TMEM87A: variants seen among roughly 807,000 people sequenced by gnomAD.
The protein encoded by TMEM87A is transmembrane protein 87A, also known as Golgi-pH regulating cation channel.
TMEM87A carries 50 observed loss-of-function variants against 90.0 expected under a neutral mutation model. That is an observed-to-expected ratio of 0.56 (90% confidence interval 0.44 to 0.70). The LOEUF (loss-of-function observed/expected upper bound fraction) is 0.70. Among genes scored for constraint, TMEM87A ranks in the 30% least tolerant of loss-of-function variants. The pLI, the probability that TMEM87A is intolerant of heterozygous loss-of-function variation, is 0.00. For synonymous variants in TMEM87A, 226 were observed against 226.7 expected (o/e 1.00, Z 0.03); for missense variants, 577 against 660.5 (o/e 0.87, Z 1.39).
chr15:42,243,133 T>C (rs915838904), intron 7 of TMEM87A, among the ~76,000 whole-genome samples: 5 of 152,002 alleles, frequency 3.3e-5, no homozygotes, highest in African/African-American at 1.2e-4. Flanking sequence ...CTGGGTGTGG[T>C]GGCGGGCGCC....
chr15:42,237,119 C>T (rs2050784253), intron 9 of TMEM87A, among the ~76,000 whole-genome samples: 1 of 152,126 alleles, frequency 6.6e-6, no homozygotes, highest in Admixed American at 6.5e-5. Flanking sequence ...AAATTGACAG[C>T]TTTACTTTTT....
At chr15:42,251,901 C>T (rs2051093960) in intron 6 of TMEM87A, among the ~76,000 whole-genome samples, 4 of 152,264 alleles carry the variant, frequency 2.6e-5, no homozygotes, top group Non-Finnish European at 2.9e-5. Context: ...TGGTGGGCTC[C>T]ACCCAATTCG....
At chr15:42,253,187 C>T (rs1473027282) in intron 6 of TMEM87A, among the ~76,000 whole-genome samples, 2 of 152,202 alleles carry the variant, frequency 1.3e-5, no homozygotes, top group Admixed American at 6.5e-5. Context: ...TAAAGCCATT[C>T]CTTATTCTTC....
intron 8 of TMEM87A, 49 bp from the exon 9 acceptor site, chr15:42,237,664 C>G: frequency 7.0e-7 from 1 of 1,433,426 alleles, no homozygotes; most frequent in Non-Finnish European, 9.3e-7. Flanking sequence ...GGGCCAAGAG[C>G]CAAGTCTGTA....
rs917028789 is a variant in TMEM87A, at chr15:42,226,696, G to C, written c.1403+110C>G. ...CCCAGTTCTTCTGATTCCAGGCCCA[G>C]TGTTCCTTCCACTATATGACACAGC... On this transcript the variant is annotated intron_variant, in intron 15 of 19. Transcript: ENST00000389834. The C allele has an allele frequency of 7.5e-5, 66 of 881,244 alleles. No homozygotes were observed. In the African/African-American group the frequency reaches 9.8e-4, roughly 13 times the overall value. The allele number at this position is 881,244 out of a possible 1,614,324, so 54.6% of individuals were successfully genotyped here.
At chr15:42,254,742 G>A (rs2051145239) in intron 6 of TMEM87A, among the ~76,000 whole-genome samples, 1 of 152,154 alleles carries the variant, frequency 6.6e-6, no homozygotes, top group African/African-American at 2.4e-5. Context: ...AGGATTTTTA[G>A]GCACTGAAAC....
intron 2 of TMEM87A, among the ~76,000 whole-genome samples, chr15:42,270,898 G>C (rs1050330172): frequency 3.3e-5 from 5 of 152,204 alleles, no homozygotes; most frequent in African/African-American, 1.2e-4. Flanking sequence ...CTCGATGAGG[G>C]AAGAACATTT....
intron 6 of TMEM87A, among the ~76,000 whole-genome samples, chr15:42,251,746 A>C (rs1253192809): frequency 6.6e-6 from 1 of 152,188 alleles, no homozygotes; most frequent in East Asian, 1.9e-4. Flanking sequence ...TCAGAGCTCA[A>C]ACACTGTGCT....
chr15:42,273,239 T>A lies in TMEM87A; in HGVS notation c.144+16A>T. ...TTGCTCCTCTAGGTTCAGACGTTAG[T>A]GAAGTGAATACTCACCGACGGTATC... On this transcript the variant is annotated intron_variant, in intron 1 of 19. Transcript: ENST00000389834. 1 of 1,613,176 alleles carries A rather than the reference T, an allele frequency of 6.2e-7. No individual in the cohort carries two copies. Among genetic ancestry groups the A allele is most frequent in the Non-Finnish European group, 8.5e-7 (1 of 1,179,334 alleles).
intron 10 of TMEM87A, among the ~76,000 whole-genome samples, chr15:42,233,763 C>T (rs956335737): frequency 6.6e-6 from 1 of 151,940 alleles, no homozygotes; most frequent in Non-Finnish European, 1.5e-5. Flanking sequence ...ATTTCAATGG[C>T]TACAAAAGGG....
At chr15:42,250,558 T>C (rs938664893) in intron 6 of TMEM87A, among the ~76,000 whole-genome samples, 4 of 152,222 alleles carry the variant, frequency 2.6e-5, no homozygotes, top group Admixed American at 2.0e-4. Flanking sequence ...AAATTCTGGA[T>C]TGAAAATTAT....
At chr15:42,226,538 T>C in intron 15 of TMEM87A, 1 of 391,956 alleles carries the variant, frequency 2.6e-6, no homozygotes, top group Non-Finnish European at 4.6e-6. Flanking sequence ...TATCACAAAA[T>C]GTCAGAGCTG....
chr15:42,231,248 G>T lies in TMEM87A; in HGVS notation c.1075C>A (p.Leu359Ile), dbSNP rs748438767. The T allele has an allele frequency of 6.3e-7, 1 of 1,589,932 alleles. No homozygotes were observed. The highest frequency in any genetic ancestry group is 8.5e-7 in the Non-Finnish European group (1 of 1,170,158). Residue 359 changes from leucine to isoleucine, a missense_variant, in exon 12 of 20, where the codon CTT becomes ATT. Physicochemically the swap from Leu to Ile is conservative, Grantham distance 5. Transcript: ENST00000389834. ...VLRVTGAQTD[L>I]ASLAFIPLAF... The stretch of plus-strand genomic sequence containing the variant: ...AAGGGGATAAAGGCCAAGGAAGCAA[G>T]ATCAGTCTGGGCCTGCAGACAAAGA...
intron 15 of TMEM87A, chr15:42,224,484 G>T (rs1035337490): frequency 6.6e-6 from 1 of 152,148 alleles, no homozygotes; most frequent in African/African-American, 2.4e-5. Flanking sequence ...AAGAGAGACC[G>T]AACACCAGGA....
At chr15:42,235,124 C>T (rs1258124711) in intron 10 of TMEM87A, among the ~76,000 whole-genome samples, 7 of 152,090 alleles carry the variant, frequency 4.6e-5, no homozygotes, top group Admixed American at 2.6e-4. Context: ...CTGCAATCTC[C>T]GCCTCCAGGG....
At chr15:42,261,307 T>C (rs2051286731) in intron 4 of TMEM87A, 58 bp from the exon 5 acceptor site, 4 of 1,453,314 alleles carry the variant, frequency 2.8e-6, no homozygotes, top group South Asian at 1.2e-5. Context: ...AAGAAAAGTG[T>C]AGCTCAAAAT....
At chr15:42,247,562 G>A (rs1339640630) in intron 6 of TMEM87A, among the ~76,000 whole-genome samples, 1 of 152,100 alleles carries the variant, frequency 6.6e-6, no homozygotes, top group African/African-American at 2.4e-5. Context: ...CCCATTTCTT[G>A]TTTTTGTCAG....
rs183385451 is a variant in TMEM87A, at chr15:42,218,544, A to T, written c.1540-166T>A. 4.6e-5 allele frequency among the ~76,000 whole-genome samples: 7 copies of T among 152,344 alleles called. No individual in the cohort carries two copies. The East Asian group carries it at 9.6e-4, about 21-fold the overall frequency. On this transcript the variant is annotated intron_variant, in intron 17 of 19. Transcript: ENST00000389834. ...TATTTTAATTTTTAAAAACATTTTT[A>T]AAAATCCCTTTGACCAACATCTCCC...
rs141549207 is a variant in TMEM87A at position 42,270,551 on chromosome 15, G to A, written c.205+1512C>T. Among the ~76,000 whole-genome samples the A allele has an allele frequency of 2.5e-3, 382 of 152,180 alleles. 3 individuals carry two copies. Among genetic ancestry groups the A allele is most frequent in the African/African-American group, 7.8e-3 (324 of 41,506 alleles). ...GTGGAGGTTGCAGTAAGCCAAGATC[G>A]TACCACTGCACTCCAGTCTGGGTGA... On this transcript the variant is annotated intron_variant, in intron 2 of 19. Coordinates refer to ENST00000389834, the MANE Select transcript of TMEM87A (RefSeq NM_015497.5).
Sources: gnomAD v4.1 joint callset for allele counts (sites outside exome capture counted in the v4.1 genomes callset) on GRCh38, gnomAD v4.1.1 for gene constraint, MANE v1.5 for transcripts, NCBI Gene and HGNC (gene_info 2026-07-23, HGNC 2026-07-21) for gene names.